The following WDR81 variants were observed in gnomAD, a reference collection of about 807,000 sequenced individuals.
WDR81 encodes the protein WD repeat domain 81, also known as WD repeat-containing protein 81.
A neutral mutation model predicts 140.8 loss-of-function variants in WDR81; 92 were observed. The observed-to-expected ratio is 0.65, with a 90% CI of 0.55 to 0.78. WDR81 has a LOEUF of 0.78. Among genes scored for constraint, WDR81 ranks in the 30% least tolerant of loss-of-function variants. The pLI, the probability that WDR81 is intolerant of heterozygous loss-of-function variation, is 0.00. For synonymous variants in WDR81, 1,183 were observed against 1,156.4 expected, an observed-to-expected ratio of 1.02 and a Z score of -0.47; for missense variants, 2,502 against 2,636.4, an observed-to-expected ratio of 0.95 and a Z score of 1.12.
At chr17:1,731,941 G>A (rs535202130) in intron 4 of WDR81, among the ~76,000 whole-genome samples, 1 of 133,074 alleles carries the variant, frequency 7.5e-6, no homozygotes, top group South Asian at 2.3e-4. Flanking sequence ...AAAAAAAAAA[G>A]TATATATATA....
intron 7 of WDR81, among the ~76,000 whole-genome samples, chr17:1,734,826 T>C (rs574914026): frequency 6.0e-5 from 9 of 151,226 alleles, no homozygotes; most frequent in South Asian, 2.1e-4. Flanking sequence ...TTTGGCTTCA[T>C]GTGTAGCAGA....
Position 1,730,495 on chromosome 17 carries a change from G to C in WDR81, c.3775+8G>C. The C allele has an allele frequency of 6.2e-7, 1 of 1,611,552 alleles. No individual in the cohort carries two copies. The highest frequency in any genetic ancestry group is 1.3e-5 in the African/African-American group (1 of 75,026). Reference sequence around the variant, plus strand: ...TGACGTCTTGTTATGTTGGTAAGGAGGCCTGCGGTCAGTGCTGGAGATGAG... The same window carrying C: ...TGACGTCTTGTTATGTTGGTAAGGACGCCTGCGGTCAGTGCTGGAGATGAG... On this transcript the variant is annotated splice_region_variant and intron_variant, in intron 2 of 9. Transcript: ENST00000409644.
At position 1,725,047 on chromosome 17, in the gene WDR81, C is replaced by T; in HGVS notation, c.88C>T (p.Leu30=). 6.8e-7 allele frequency: 1 copy of T among 1,475,704 alleles called. No individual in the cohort carries two copies. Among genetic ancestry groups the T allele is most frequent in the Non-Finnish European group, 9.0e-7 (1 of 1,115,590 alleles). 91.4% of individuals were successfully genotyped at this position (1,475,704 alleles called of 1,614,324 possible). ...HSPPSPDMQE[L]LRSVERDLSI... is the part of the protein sequence containing the mutation. The stretch of plus-strand genomic sequence containing the variant: ...CCCGCCAAGCCCAGACATGCAGGAG[C>T]TGCTCCGGAGCGTGGAGAGGGACCT... Residue 30 remains leucine (L), a synonymous_variant, in exon 1 of 10, where the codon CTG becomes TTG. Transcript: ENST00000409644.
chr17:1,722,573 T>G (rs1008850994), upstream of WDR81, among the ~76,000 whole-genome samples: 1 of 152,056 alleles, frequency 6.6e-6, no homozygotes, highest in African/African-American at 2.4e-5. Flanking sequence ...CTTGAACTCC[T>G]GACCTCAGGT....
At chr17:1,724,312 C>T (rs1915060385), upstream of WDR81, among the ~76,000 whole-genome samples, 1 of 152,202 alleles carries the variant, frequency 6.6e-6, no homozygotes, top group South Asian at 2.1e-4. Context: ...TGCGGTGAGC[C>T]GAGATCGCGC....
chr17:1,730,599 G>T lies in WDR81; in HGVS notation c.3775+112G>T, dbSNP rs532746644. On this transcript the variant is annotated intron_variant, in intron 2 of 9. Coordinates refer to ENST00000409644, the MANE Select transcript of WDR81 (RefSeq NM_001163809.2). ...CCACCCCTCCCTCAAACCACCCCCC[G>T]GCCAGGTGCTGGGTCCCAGTCTAAG... 5 of 1,359,724 alleles carry T rather than the reference G, an allele frequency of 3.7e-6. No individual in the cohort carries two copies. The Admixed American group carries it at 1.1e-4, about 30-fold the overall frequency. 84.2% of individuals were successfully genotyped at this position (1,359,724 alleles called of 1,614,324 possible).
Position 1,728,257 on chromosome 17 carries a change from G to C in WDR81, c.3298G>C (p.Ala1100Pro). Reference protein sequence around the residue: ...YVTESPQPQEAEAVSLGRLSD... With the variant: ...YVTESPQPQEPEAVSLGRLSD... ...GACTGAGTCTCCCCAGCCCCAGGAG[G>C]CTGAGGCTGTGAGCCTGGGCCGGCT... is the stretch of plus-strand genomic sequence containing the variant. The change falls in exon 1 of 10, where the codon GCT becomes CCT. Residue 1100 changes from alanine to proline, a missense_variant. Ala to Pro is a conservative substitution (Grantham distance 27). Coordinates refer to ENST00000409644, the MANE Select transcript of WDR81 (RefSeq NM_001163809.2). The C allele has an allele frequency of 6.2e-7, 1 of 1,612,214 alleles. No individual in the cohort carries two copies. Among genetic ancestry groups the C allele is most frequent in the Non-Finnish European group, 8.5e-7 (1 of 1,179,614 alleles).
intron 1 of WDR81, 114 bp downstream of exon 1, chr17:1,728,740 G>T: frequency 1.5e-6 from 2 of 1,313,756 alleles, no homozygotes; most frequent in Non-Finnish European, 2.0e-6. Context: ...GGATCACAAG[G>T]TCAGGAGATC....
chr17:1,735,499 G>T lies in WDR81; in HGVS notation c.5180-73G>T, dbSNP rs2151176512. ...ACGGGAGGCAGGTGTGCGGTGAGTT[G>T]GGGGATTAGAAGCTCCCAGGGCTCT... On this transcript the variant is annotated intron_variant, in intron 7 of 9. Coordinates refer to ENST00000409644, the MANE Select transcript of WDR81 (RefSeq NM_001163809.2). This position sits in a 1 kb window ranked among gnomAD's most constrained non-coding sequence, Gnocchi z 4.2. The T allele has an allele frequency of 7.0e-7, 1 of 1,435,036 alleles. No homozygotes were observed. Among genetic ancestry groups the T allele is most frequent in the Non-Finnish European group, 9.3e-7 (1 of 1,075,108 alleles). 88.9% of individuals were successfully genotyped at this position (1,435,036 alleles called of 1,614,324 possible).
intron 2 of WDR81, 67 bp downstream of exon 2, chr17:1,730,554 C>T: frequency 2.0e-6 from 3 of 1,516,792 alleles, no homozygotes; most frequent in South Asian, 2.4e-5. Context: ...AGCTTCAGCG[C>T]TCTCCGGCGG....
intron 1 of WDR81, among the ~76,000 whole-genome samples, chr17:1,728,939 C>T (rs1039933620): frequency 5.3e-5 from 8 of 151,850 alleles, no homozygotes; most frequent in East Asian, 1.9e-4. Flanking sequence ...GGCGACAGAG[C>T]GAGACTCCAT....
upstream of WDR81, among the ~76,000 whole-genome samples, chr17:1,724,074 C>T (rs1915042462): frequency 6.6e-6 from 1 of 152,100 alleles, no homozygotes; most frequent in East Asian, 1.9e-4. Flanking sequence ...TGTCAAAAGT[C>T]CCAGTTCTGG....
In WDR81 at chr17:1,728,320, G is replaced by A. The variant is rs766571779; in HGVS notation, c.3361G>A (p.Glu1121Lys). 6.2e-7 allele frequency: 1 copy of A among 1,612,890 alleles called. No homozygotes were observed. Among genetic ancestry groups the A allele is most frequent in the East Asian group, 2.2e-5 (1 of 44,882 alleles). Residue 1121 changes from glutamate (E) to lysine (K), a missense_variant, in exon 1 of 10, where the codon GAG becomes AAG. This residue lies in a region of WDR81 where 1,737 missense variants were observed against 1,843.0 expected (regional missense o/e 0.94). Coordinates refer to ENST00000409644, the MANE Select transcript of WDR81 (RefSeq NM_001163809.2). ...CAGCACCAGCGAGACCTCCCTGGGT[G>A]AGGAGCGGGCTCCAGACGAGGGGGG... ...KSSTSETSLG[E>K]ERAPDEGGAP...
intron 1 of WDR81, chr17:1,716,833 A>G (rs567631799): frequency 2.2e-5 from 14 of 636,772 alleles, no homozygotes; most frequent in African/African-American, 2.0e-4. Flanking sequence ...GTCAGCCCCC[A>G]GGGCAGCAGA....
At chr17:1,734,778 C>CAA (rs35846888) in intron 7 of WDR81, among the ~76,000 whole-genome samples, 10 of 115,070 alleles carry the variant, frequency 8.7e-5, no homozygotes, top group African/African-American at 2.2e-4. Context: ...GACTCTGTCT[C>CAA]AAAAAAAAAA....
At chr17:1,729,990 C>CA (rs71375529) in intron 1 of WDR81, among the ~76,000 whole-genome samples, 2,444 of 68,884 alleles carry the variant, frequency 0.035, 73 homozygotes, top group African/African-American at 0.11. Context: ...GACTCTGTCT[C>CA]AAAAAAAAAA....
chr17:1,735,780 G>A lies in WDR81; in HGVS notation c.5325+63G>A, dbSNP rs78003847. 0.035 allele frequency: 54,166 copies of A among 1,542,908 alleles called. 1,137 individuals are homozygous for A. Among genetic ancestry groups the A allele is most frequent in the Non-Finnish European group, 0.043 (49,069 of 1,145,102 alleles). On this transcript the variant is annotated intron_variant, in intron 8 of 9. Coordinates refer to ENST00000409644, the MANE Select transcript of WDR81 (RefSeq NM_001163809.2). The surrounding 1 kb of genome is among the most constrained non-coding windows in gnomAD (Gnocchi z 4.2). ...CTCTGGGGACCTGGCAAGGAGGAGA[G>A]ACTCCCCAAAAACAGAAAGCCAGGA...
rs1915185016 is a variant in WDR81 at position 1,725,608 on chromosome 17, A to G, written c.649A>G (p.Ser217Gly). ...CPPRGSPACPSLLRAEALLES... is the reference protein window; with the variant it reads ...CPPRGSPACPGLLRAEALLES... ...CCCTCGGGGCAGCCCTGCTTGCCCT[A>G]GTCTTTTACGGGCTGAGGCCTTGCT... The change falls in exon 1 of 10, where the codon AGT becomes GGT. Residue 217 changes from serine (S) to glycine (G), a missense_variant. Ser to Gly is a moderately conservative substitution (Grantham distance 56). Transcript: ENST00000409644. 6.5e-7 allele frequency: 1 copy of G among 1,545,170 alleles called. No homozygotes were observed. The highest frequency in any genetic ancestry group is 2.0e-5 in the Admixed American group (1 of 50,974).
In WDR81 at chr17:1,737,866, C is replaced by G; in HGVS notation, c.*181C>G. 2 of 758,562 alleles carry G rather than the reference C, an allele frequency of 2.6e-6. No individual in the cohort carries two copies. The highest frequency in any genetic ancestry group is 4.1e-6 in the Non-Finnish European group (2 of 482,840). The allele number at this position is 758,562 out of a possible 1,614,324, so 47.0% of individuals were successfully genotyped here. ...GGGGGAGTCCTGGCCCCTGAATCAC[C>G]AGAGCCACCAAGCCTGCCAGAGGGG... On this transcript the variant is annotated 3_prime_UTR_variant, in exon 10 of 10. Coordinates refer to ENST00000409644, the MANE Select transcript of WDR81 (RefSeq NM_001163809.2).
Sources: allele counts gnomAD v4.1 joint callset (sites outside exome capture counted in the v4.1 genomes callset), GRCh38; gene constraint gnomAD v4.1.1; regional missense constraint gnomAD v4.1.1; non-coding constraint Gnocchi (gnomAD v3.1); transcripts MANE v1.5; gene names NCBI Gene and HGNC (gene_info 2026-07-23, HGNC 2026-07-21).